The following CSMD1 variants were observed in gnomAD, a reference collection of about 807,000 sequenced individuals.
CSMD1 encodes CUB and sushi domain-containing protein 1.
In CSMD1, 213 loss-of-function variants were observed where a neutral mutation model predicts 417.5. That is an observed-to-expected ratio of 0.51 (90% CI 0.46 to 0.57). CSMD1 has a LOEUF of 0.57. CSMD1 is among the 20% of genes least tolerant of loss of function. CSMD1 has a pLI of 0.00. For missense variants in CSMD1, 6,923 were observed against 4,529.7 expected (o/e 1.53, Z -15.17); for synonymous variants, 2,862 against 1,736.8 (o/e 1.65, Z -16.11).
At position 4,920,258 on chromosome 8, in the gene CSMD1, A is replaced by C. The variant is rs1172128730; in HGVS notation, c.85+74074T>G. Among the ~76,000 whole-genome samples the C allele has an allele frequency of 2.6e-5, 4 of 152,192 alleles. No individual in the cohort carries two copies. In the East Asian group the frequency reaches 7.7e-4, roughly 29 times the overall value. ...ACTCAGACTTATTCTAGAAAGTATT[A>C]TACTTATGACTGGCTGAAATGAGCG... On this transcript the variant is annotated intron_variant, in intron 1 of 69. Transcript: ENST00000635120.
intron 8 of CSMD1, among the ~76,000 whole-genome samples, chr8:3,589,823 A>G (rs1388007811): frequency 1.3e-5 from 2 of 152,166 alleles, no homozygotes; most frequent in East Asian, 3.9e-4. Flanking sequence ...CCATTTCACA[A>G]TGTATTCATA....
chr8:4,014,353 A>G (rs1397852022), intron 4 of CSMD1, among the ~76,000 whole-genome samples: 1 of 152,236 alleles, frequency 6.6e-6, no homozygotes, highest in Non-Finnish European at 1.5e-5. Flanking sequence ...AATAATCTGT[A>G]AAATATTGAG....
intron 2 of CSMD1, among the ~76,000 whole-genome samples, chr8:4,531,150 T>C (rs559935587): frequency 1.3e-5 from 2 of 152,172 alleles, no homozygotes; most frequent in African/African-American, 2.4e-5. Flanking sequence ...GAGTAGGACA[T>C]TTTTTGTAGG....
intron 1 of CSMD1, among the ~76,000 whole-genome samples, chr8:4,704,400 T>C (rs185308772): frequency 6.6e-6 from 1 of 152,218 alleles, no homozygotes; most frequent in African/African-American, 2.4e-5. Flanking sequence ...GTTTATTTAC[T>C]TATCTATTGT....
chr8:4,223,560 G>C (rs1296412729), intron 3 of CSMD1, among the ~76,000 whole-genome samples: 1 of 152,226 alleles, frequency 6.6e-6, no homozygotes, highest in Non-Finnish European at 1.5e-5. Context: ...TGGCCTGCAA[G>C]GCAGGACCTG....
intron 1 of CSMD1, among the ~76,000 whole-genome samples, chr8:4,822,083 A>G (rs990866620): frequency 2.6e-5 from 4 of 152,156 alleles, no homozygotes; most frequent in African/African-American, 9.7e-5. Flanking sequence ...TTTCGGGTTC[A>G]GTAAAAAAAT....
intron 3 of CSMD1, among the ~76,000 whole-genome samples, chr8:4,264,526 C>T (rs1452070920): frequency 6.6e-6 from 1 of 152,146 alleles, no homozygotes; most frequent in Non-Finnish European, 1.5e-5. Context: ...AGCTGAGAAG[C>T]TCCGTTACTT....
At chr8:4,462,140 G>A (rs1174255899) in intron 2 of CSMD1, among the ~76,000 whole-genome samples, 1 of 152,050 alleles carries the variant, frequency 6.6e-6, no homozygotes, top group Admixed American at 6.6e-5. Flanking sequence ...CTCTCAAAGT[G>A]CTGGGATTAC....
At chr8:4,210,750 A>C (rs1418597128) in intron 3 of CSMD1, among the ~76,000 whole-genome samples, 1 of 152,202 alleles carries the variant, frequency 6.6e-6, no homozygotes, top group African/African-American at 2.4e-5. Context: ...CAACATACTG[A>C]AATATGAAAG....
At chr8:3,962,308 G>C (rs2688344) in intron 5 of CSMD1, among the ~76,000 whole-genome samples, 31 of 152,126 alleles carry the variant, frequency 2.0e-4, no homozygotes, top group African/African-American at 7.5e-4. Context: ...CTTGGGATTT[G>C]GTTCCAGCAG....
At chr8:4,154,744 G>A (rs978566502) in intron 3 of CSMD1, among the ~76,000 whole-genome samples, 1 of 151,988 alleles carries the variant, frequency 6.6e-6, no homozygotes, top group African/African-American at 2.4e-5. Context: ...TGCAAGTAAG[G>A]CTAATATCCC....
At chr8:4,144,246 T>C (rs1803974534) in intron 3 of CSMD1, among the ~76,000 whole-genome samples, 1 of 150,908 alleles carries the variant, frequency 6.6e-6, no homozygotes, top group Non-Finnish European at 1.5e-5. Context: ...TGGCCGTAAG[T>C]TCCCTGCCTC....
Position 4,205,314 on chromosome 8 carries a change from C to G in CSMD1, c.416-173215G>C, listed in dbSNP as rs530544303. Among the ~76,000 whole-genome samples the G allele has an allele frequency of 2.4e-4, 36 of 152,212 alleles. 1 individual carries two copies. The Middle Eastern group carries it at 0.01, about 43-fold the overall frequency. On this transcript the variant is annotated intron_variant, in intron 3 of 69. Coordinates refer to ENST00000635120, the MANE Select transcript of CSMD1 (RefSeq NM_033225.6). ...CCTTGAAAAAGATTATTGTTATTTA[C>G]TCAGATATTCTAAAATAAGTATTTA...
At chr8:3,283,009 C>G (rs950055363) in intron 26 of CSMD1, among the ~76,000 whole-genome samples, 4 of 152,126 alleles carry the variant, frequency 2.6e-5, no homozygotes, top group African/African-American at 2.4e-5. Flanking sequence ...TGAACTGCCA[C>G]AAAATATCTC....
At chr8:3,148,390 A>G (rs953752210) in intron 40 of CSMD1, among the ~76,000 whole-genome samples, 8 of 152,322 alleles carry the variant, frequency 5.3e-5, no homozygotes, top group African/African-American at 1.9e-4. Flanking sequence ...GGCAAGGTTC[A>G]GAGAAACAAA....
chr8:4,163,859 T>C lies in CSMD1; in HGVS notation c.416-131760A>G, dbSNP rs369728628. Among the ~76,000 whole-genome samples the C allele has an allele frequency of 1.3e-4, 20 of 152,288 alleles. 1 individual carries two copies. In the East Asian group the frequency reaches 3.7e-3, roughly 28 times the overall value. ...TTAATTCAAAAATTACTACTCTAAA[T>C]ACCATGCCATGAAAAGAGAAACACT... is the stretch of plus-strand genomic sequence containing the variant. On this transcript the variant is annotated intron_variant, in intron 3 of 69. Coordinates refer to ENST00000635120, the MANE Select transcript of CSMD1 (RefSeq NM_033225.6).
chr8:4,040,291 C>G (rs1288396433), intron 3 of CSMD1, among the ~76,000 whole-genome samples: 2 of 152,190 alleles, frequency 1.3e-5, no homozygotes, highest in Admixed American at 1.3e-4. Context: ...ACACTATGTG[C>G]TAGACACTGT....
chr8:3,475,325 G>C (rs918433011), intron 11 of CSMD1, among the ~76,000 whole-genome samples: 3 of 152,030 alleles, frequency 2.0e-5, no homozygotes, highest in African/African-American at 2.4e-5. Context: ...TTTATCCCTA[G>C]TCTCTAGTAA....
chr8:3,961,754 T>G (rs184617521), intron 5 of CSMD1, among the ~76,000 whole-genome samples: 1 of 152,346 alleles, frequency 6.6e-6, no homozygotes, highest in East Asian at 1.9e-4. Flanking sequence ...GCCCGGTCTT[T>G]CATGATGAAG....
Sources: gnomAD v4.1 joint callset for allele counts (sites outside exome capture counted in the v4.1 genomes callset) on GRCh38, gnomAD v4.1.1 for gene constraint, MANE v1.5 for transcripts, NCBI Gene and HGNC (gene_info 2026-07-23, HGNC 2026-07-21) for gene names.